The following PIGQ variants were observed in gnomAD, a reference collection of about 807,000 sequenced individuals.
The protein encoded by PIGQ is phosphatidylinositol glycan anchor biosynthesis class Q.
Under a neutral mutation model 60.3 loss-of-function variants are expected in PIGQ, and 54 were observed. The observed-to-expected ratio is 0.90, with a 90% confidence interval of 0.72 to 1.12. The LOEUF is 1.12. PIGQ is among the 50% of genes most tolerant of loss of function. The pLI, the probability that PIGQ is intolerant of heterozygous loss-of-function variation, is 0.00. For synonymous variants in PIGQ, 416 were observed against 363.7 expected, an observed-to-expected ratio of 1.14 and a Z score of -1.64; for missense variants, 799 against 793.5, an observed-to-expected ratio of 1.01 and a Z score of -0.08.
chr16:583,951 G>A lies in PIGQ; in HGVS notation c.*916G>A. 1 of 437,018 alleles carries A rather than the reference G, an allele frequency of 2.3e-6. No individual in the cohort carries two copies. Among genetic ancestry groups the A allele is most frequent in the Non-Finnish European group, 4.3e-6 (1 of 232,074 alleles). The allele number at this position is 437,018 out of a possible 1,614,324, so 27.1% of individuals were successfully genotyped here. A position where few individuals can be genotyped will look rare whatever the true frequency, so the allele number is the denominator to read the frequency against. ...TGTGAGCCCGAGTCCGCTTCAGGAG[G>A]GGAGCCTGCAGGTGCCGGCTGGTGA... is the stretch of plus-strand genomic sequence containing the variant. On this transcript the variant is annotated 3_prime_UTR_variant, in exon 11 of 11. Transcript: ENST00000321878.
At chr16:573,934 C>T (rs1183127625) in intron 1 of PIGQ, 132 bp from the exon 2 acceptor site, 13 of 636,008 alleles carry the variant, frequency 2.0e-5, no homozygotes, top group Admixed American at 1.2e-4. Flanking sequence ...CGTCCACCAC[C>T]GAACTTGAAG....
chr16:575,887 G>C lies in PIGQ; in HGVS notation c.738G>C (p.Thr246=). ...PLSFLGSKLS[T]CEQLRHRLEH... is the part of the protein sequence containing the mutation. ...CCTTCCTCGGGAGCAAACTCTCCACGTGCGAACAGCTCCGGCACCGGCTGG... is the reference window on the plus strand; with the variant it reads ...CCTTCCTCGGGAGCAAACTCTCCACCTGCGAACAGCTCCGGCACCGGCTGG... Residue 246 remains threonine (T), a synonymous_variant, in exon 3 of 11, where the codon ACG becomes ACC. Transcript: ENST00000321878. 1 of 1,575,360 alleles carries C rather than the reference G, an allele frequency of 6.3e-7. No homozygotes were observed. Among genetic ancestry groups the C allele is most frequent in the Non-Finnish European group, 8.6e-7 (1 of 1,159,526 alleles).
chr16:575,890 C>G lies in PIGQ; in HGVS notation c.741C>G (p.Cys247Trp), dbSNP rs891335265. The G allele has an allele frequency of 1.3e-6, 2 of 1,575,286 alleles. No homozygotes were observed. Among genetic ancestry groups the G allele is most frequent in the Admixed American group, 1.8e-5 (1 of 55,002 alleles). ...TCCTCGGGAGCAAACTCTCCACGTG[C>G]GAACAGCTCCGGCACCGGCTGGAGC... ...LSFLGSKLST[C>W]EQLRHRLEHL... is the part of the protein sequence containing the mutation. The change falls in exon 3 of 11, where the codon TGC (cysteine) becomes TGG (tryptophan). Residue 247 changes from cysteine to tryptophan, a missense_variant. Coordinates refer to ENST00000321878, the MANE Select transcript of PIGQ (RefSeq NM_004204.5).
Position 579,055 on chromosome 16 carries a change from A to T in PIGQ, c.1224-14A>T. ...GCGGGGCGGGGCCGGGCCCGACAGC[A>T]CTGCGTCCTGTAGGCTGTACTGCCT... On this transcript the variant is annotated splice_polypyrimidine_tract_variant and intron_variant, in intron 6 of 10. Coordinates refer to ENST00000321878, the MANE Select transcript of PIGQ (RefSeq NM_004204.5). 1 of 1,608,776 alleles carries T rather than the reference A, an allele frequency of 6.2e-7. No individual in the cohort carries two copies. Among genetic ancestry groups the T allele is most frequent in the Non-Finnish European group, 8.5e-7 (1 of 1,177,350 alleles).
intron 7 of PIGQ, chr16:579,530 G>T (rs76398643): frequency 2.1e-5 from 1 of 47,918 alleles, no homozygotes; most frequent in Non-Finnish European, 4.0e-5. Context: ...GAGACTAGAG[G>T]TGCCCCGGGC....
intron 1 of PIGQ, among the ~76,000 whole-genome samples, chr16:573,774 G>A (rs1245756817): frequency 6.6e-6 from 1 of 152,122 alleles, no homozygotes; most frequent in Non-Finnish European, 1.5e-5. Flanking sequence ...GGCCGGCCTG[G>A]AAATGGGAGG....
At position 578,857 on chromosome 16, in the gene PIGQ, T is replaced by G; in HGVS notation, c.1142T>G (p.Leu381Arg). Reference protein sequence around the residue: ...WHVGLSACLGLTVALSLLSDI... With the variant: ...WHVGLSACLGRTVALSLLSDI... ...GTGGGCCTCTCGGCCTGCCTGGGCC[T>G]GACGGTGGCCCTGTCCCTCCTCTCG... Residue 381 changes from leucine to arginine, a missense_variant, in exon 6 of 11, where the codon CTG becomes CGG. Physicochemically the swap from Leu to Arg is moderately radical, Grantham distance 102 (BLOSUM62 -2). Transcript: ENST00000321878. The G allele has an allele frequency of 6.2e-7, 1 of 1,613,782 alleles. No individual in the cohort carries two copies. Among genetic ancestry groups the G allele is most frequent in the Non-Finnish European group, 8.5e-7 (1 of 1,179,906 alleles).
chr16:582,233 T>C lies in PIGQ; in HGVS notation c.1532-15T>C, dbSNP rs62030874. ...CCCCACGCGTCCCCTCGTCAGCCGC[T>C]TGCTATCCTTGCAGCTGGCGTGAAG... On this transcript the variant is annotated splice_polypyrimidine_tract_variant and intron_variant, in intron 9 of 10. Coordinates refer to ENST00000321878, the MANE Select transcript of PIGQ (RefSeq NM_004204.5). 0.44 allele frequency: 676,694 copies of C among 1,532,642 alleles called. 159,631 individuals are homozygous for C. The highest frequency in any genetic ancestry group is 0.66 in the East Asian group (28,638 of 43,194). The allele number at this position is 1,532,642 out of a possible 1,614,324, so 94.9% of individuals were successfully genotyped here. A position where few individuals can be genotyped will look rare whatever the true frequency, so the allele number is the denominator to read the frequency against.
intron 4 of PIGQ, chr16:576,683 T>A: frequency 2.3e-6 from 1 of 432,686 alleles, no homozygotes; most frequent in African/African-American, 2.0e-5. Context: ...CCTGCCCCTG[T>A]GCTGATTCTG....
chr16:583,476 C>G lies in PIGQ; in HGVS notation c.*441C>G. 6.2e-7 allele frequency: 1 copy of G among 1,612,742 alleles called. No individual in the cohort carries two copies. Among genetic ancestry groups the G allele is most frequent in the Non-Finnish European group, 8.5e-7 (1 of 1,179,922 alleles). On this transcript the variant is annotated 3_prime_UTR_variant, in exon 11 of 11. Transcript: ENST00000321878. ...GGAGGGACCTTGCCAGGATGAACCC[C>G]CCAGTCCCAGGCACCCTCTAGCTCC... is the stretch of plus-strand genomic sequence containing the variant.
rs1346738360 is a variant in PIGQ at position 576,239 on chromosome 16, C to T, written c.927C>T (p.Leu309=). Residue 309 remains leucine (L), a synonymous_variant, in exon 4 of 11, where the codon CTC becomes CTT. Transcript: ENST00000321878. ...GCATCGGGCATCTGGCCGACGCCCT[C>T]GTTCCTGTGGCTGACGTGAGTGGAC... is the stretch of plus-strand genomic sequence containing the variant. ...RSRIGHLADA[L]VPVADHVAEE... The T allele has an allele frequency of 9.0e-6, 14 of 1,554,154 alleles. No homozygotes were observed. Among genetic ancestry groups the T allele is most frequent in the Middle Eastern group, 1.7e-4 (1 of 5,826 alleles).
At chr16:572,901 C>T (rs1470650051) in intron 1 of PIGQ, among the ~76,000 whole-genome samples, 1 of 152,276 alleles carries the variant, frequency 6.6e-6, no homozygotes, top group East Asian at 1.9e-4. Context: ...GTCCCTCCCT[C>T]GAGTGTGGCT....
chr16:581,041 A>G (rs2035802093), intron 9 of PIGQ, 69 bp downstream of exon 9: 1 of 1,332,950 alleles, frequency 7.5e-7, no homozygotes, highest in Non-Finnish European at 1.1e-6. Flanking sequence ...GGCCCTGCAG[A>G]AGCAAGGACA....
rs1209576664 is a variant in PIGQ, at chr16:583,283, C to T, written c.*248C>T. 1 of 1,612,836 alleles carries T rather than the reference C, an allele frequency of 6.2e-7. No homozygotes were observed. The highest frequency in any genetic ancestry group is 8.5e-7 in the Non-Finnish European group (1 of 1,179,988). ...GCCTGCCTTGGGACCCGCTTCCCACCTGCTGCGGTCACCATGGTGGCGAGC... is the reference window on the plus strand; with the variant it reads ...GCCTGCCTTGGGACCCGCTTCCCACTTGCTGCGGTCACCATGGTGGCGAGC... On this transcript the variant is annotated 3_prime_UTR_variant, in exon 11 of 11. Coordinates refer to ENST00000321878, the MANE Select transcript of PIGQ (RefSeq NM_004204.5).
Position 578,502 on chromosome 16 carries a change from AT to A in PIGQ, c.1067del (p.Ile356ThrfsTer26). 1 of 1,612,238 alleles carries A rather than the reference AT, an allele frequency of 6.2e-7. No homozygotes were observed. The highest frequency in any genetic ancestry group is 8.5e-7 in the Non-Finnish European group (1 of 1,179,732). The part of the protein sequence containing the change: ...RFFLYHIHLW[I>X]SYIHLMSPFV... ...CTTCCTCTACCACATCCACCTGTGG[AT>A]CAGTGAGTGCAGGGCAGGCGGGGGC... is the stretch of plus-strand genomic sequence containing the variant. On this transcript the variant is annotated frameshift_variant and splice_region_variant, in exon 5 of 11. Coordinates refer to ENST00000321878, the MANE Select transcript of PIGQ (RefSeq NM_004204.5). LOFTEE classifies it high-confidence loss of function.
chr16:571,520 G>GTGTGTGTC (rs2035627599), intron 1 of PIGQ, among the ~76,000 whole-genome samples: 1 of 119,778 alleles, frequency 8.3e-6, no homozygotes, highest in South Asian at 2.8e-4. Context: ...GTGTGTGTGT[G>GTGTGTGTC]TCTGGCTAGC....
chr16:575,985 T>A lies in PIGQ; in HGVS notation c.821+15T>A. 6.3e-7 allele frequency: 1 copy of A among 1,576,778 alleles called. No individual in the cohort carries two copies. Reference sequence around the variant, plus strand: ...CAGCTGATGAGGTGTGGGCCTGCCCTGGTCTCTGCAGGGCTGGGTGCGTGC... The same window carrying A: ...CAGCTGATGAGGTGTGGGCCTGCCCAGGTCTCTGCAGGGCTGGGTGCGTGC... On this transcript the variant is annotated intron_variant, in intron 3 of 10. Coordinates refer to ENST00000321878, the MANE Select transcript of PIGQ (RefSeq NM_004204.5).
chr16:580,024 C>T (rs1192204817), intron 7 of PIGQ, 159 bp from the exon 8 acceptor site: 5 of 549,854 alleles, frequency 9.1e-6, no homozygotes, highest in Non-Finnish European at 1.6e-5. Flanking sequence ...GGTGGACAGC[C>T]CTCCTGCTAC....
In PIGQ at chr16:582,267, C is replaced by T. The variant is rs1296320180; in HGVS notation, c.1551C>T (p.Val517=). ...TTGCAGCTGGCGTGAAGTTCCGTGT[C>T]CTCCGGCACGAGGCCGGCAGGCCCC... ...YRLAAGVKFR[V]LRHEAGRPLR... is the part of the protein sequence containing the mutation. The change falls in exon 10 of 11, where the codon GTC becomes GTT. Residue 517 remains valine, a synonymous_variant. Transcript: ENST00000321878. 7.5e-6 allele frequency: 12 copies of T among 1,607,072 alleles called. No individual in the cohort carries two copies. Among genetic ancestry groups the T allele is most frequent in the Non-Finnish European group, 1.0e-5 (12 of 1,176,660 alleles).
Sources: gnomAD v4.1 joint callset for allele counts (sites outside exome capture counted in the v4.1 genomes callset) on GRCh38, gnomAD v4.1.1 for gene constraint, MANE v1.5 for transcripts, NCBI Gene and HGNC (gene_info 2026-07-23, HGNC 2026-07-21) for gene names.